EPC2: variants seen among roughly 807,000 people sequenced by gnomAD.
EPC2 encodes enhancer of polycomb 2.
EPC2 carries 14 observed loss-of-function variants against 92.1 expected under a neutral mutation model. The observed-to-expected ratio is 0.15, with a 90% confidence interval of 0.10 to 0.24. EPC2 has a LOEUF of 0.24. Ranked by LOEUF, EPC2 falls within the 10% of genes least tolerant of loss-of-function variation. The probability of loss-of-function intolerance (pLI) is 1.00; values close to 1 mark genes in which losing one functional copy is unlikely to be tolerated. For synonymous variants in EPC2, 340 were observed against 334.7 expected, an observed-to-expected ratio of 1.02 and a Z score of -0.17; for missense variants, 755 against 971.5, an observed-to-expected ratio of 0.78 and a Z score of 2.96.
intron 2 of EPC2, among the ~76,000 whole-genome samples, chr2:148,736,846 T>C (rs975765199): frequency 3.9e-5 from 6 of 152,040 alleles, no homozygotes; most frequent in Admixed American, 2.0e-4. Context: ...ATGCCTGTAG[T>C]TTCAGCAGTT....
At chr2:148,735,292 A>G (rs373270701) in intron 2 of EPC2, among the ~76,000 whole-genome samples, 1 of 152,050 alleles carries the variant, frequency 6.6e-6, no homozygotes, top group East Asian at 1.9e-4. Context: ...TTGTTGTCTC[A>G]TATTTTTATC....
chr2:148,768,514 G>A (rs969642179), intron 7 of EPC2, among the ~76,000 whole-genome samples: 11 of 152,166 alleles, frequency 7.2e-5, no homozygotes, highest in Non-Finnish European at 1.3e-4. Flanking sequence ...TTGCTCTAGC[G>A]TTGCGGGCTT....
chr2:148,709,539 A>T (rs1682085815), intron 2 of EPC2, among the ~76,000 whole-genome samples: 2 of 152,208 alleles, frequency 1.3e-5, no homozygotes, highest in Admixed American at 1.3e-4. Context: ...CATTGCCAAG[A>T]CAATCCTAAG....
chr2:148,784,966 G>A lies in EPC2; in HGVS notation c.2316G>A (p.Lys772=), dbSNP rs764674204. 2.6e-6 allele frequency: 4 copies of A among 1,538,198 alleles called. No individual in the cohort carries two copies. Among genetic ancestry groups the A allele is most frequent in the South Asian group, 2.6e-5 (2 of 77,864 alleles). Residue 772 remains lysine (K), a synonymous_variant, in exon 13 of 14, where the codon AAG becomes AAA. Coordinates refer to ENST00000258484, the MANE Select transcript of EPC2 (RefSeq NM_015630.4). ...TVAASMDRVP[K]VTPSSAISSI... is the part of the protein sequence containing the mutation. ...CTGCCAGTATGGACAGAGTGCCAAAGGTTACTCCCAGCAGTGCCATCAGCA... is the reference window on the plus strand; with the variant it reads ...CTGCCAGTATGGACAGAGTGCCAAAAGTTACTCCCAGCAGTGCCATCAGCA...
At chr2:148,755,237 G>T (rs1428241903) in intron 4 of EPC2, among the ~76,000 whole-genome samples, 3 of 152,004 alleles carry the variant, frequency 2.0e-5, no homozygotes, top group Non-Finnish European at 2.9e-5. Context: ...TGGCATTCTG[G>T]TTCTTAGCTA....
chr2:148,708,249 A>G (rs1156627315), intron 2 of EPC2, among the ~76,000 whole-genome samples: 3 of 152,228 alleles, frequency 2.0e-5, no homozygotes, highest in African/African-American at 7.2e-5. Flanking sequence ...TCTAGAAGAA[A>G]TTGACAAATT....
chr2:148,715,857 A>G (rs1682250703), intron 2 of EPC2, among the ~76,000 whole-genome samples: 1 of 152,214 alleles, frequency 6.6e-6, no homozygotes, highest in Admixed American at 6.5e-5. Flanking sequence ...ACCCATGAAC[A>G]TGGAATGTTT....
At chr2:148,766,649 C>T (rs1263119094) in intron 7 of EPC2, among the ~76,000 whole-genome samples, 1 of 152,088 alleles carries the variant, frequency 6.6e-6, no homozygotes, top group African/African-American at 2.4e-5. Context: ...AGAGGGAACT[C>T]CTAGCAGTTT....
chr2:148,765,972 C>T (rs1683400872), intron 7 of EPC2, among the ~76,000 whole-genome samples: 1 of 152,138 alleles, frequency 6.6e-6, no homozygotes, highest in Non-Finnish European at 1.5e-5. Context: ...GGAGGTGGAG[C>T]TTGCAGTGAG....
At chr2:148,692,732 A>G (rs1036139218) in intron 2 of EPC2, 2 of 152,216 alleles carry the variant, frequency 1.3e-5, no homozygotes, top group African/African-American at 2.4e-5. Context: ...GCAGTTAGGC[A>G]GGAAGACCAT....
intron 2 of EPC2, among the ~76,000 whole-genome samples, chr2:148,737,355 A>T (rs1461451917): frequency 6.6e-6 from 1 of 152,174 alleles, no homozygotes; most frequent in Non-Finnish European, 1.5e-5. Context: ...CTATAAAATT[A>T]AATATATTCA....
intron 2 of EPC2, among the ~76,000 whole-genome samples, chr2:148,737,555 T>C (rs1234615831): frequency 6.6e-6 from 1 of 152,132 alleles, no homozygotes; most frequent in Admixed American, 6.5e-5. Flanking sequence ...TGGAGCTTTG[T>C]ACTTGCCCTC....
intron 1 of EPC2, among the ~76,000 whole-genome samples, chr2:148,668,641 A>G (rs1184520174): frequency 6.6e-6 from 1 of 152,178 alleles, no homozygotes; most frequent in Non-Finnish European, 1.5e-5. Context: ...TTTCTTCCCA[A>G]GTGAGCTTTG....
chr2:148,649,301 A>G (rs1680611140), intron 1 of EPC2, among the ~76,000 whole-genome samples: 1 of 152,226 alleles, frequency 6.6e-6, no homozygotes, highest in African/African-American at 2.4e-5. Flanking sequence ...GATATAGAAC[A>G]TTTCCAACAT....
At chr2:148,779,339 T>G (rs1465859376) in intron 10 of EPC2, among the ~76,000 whole-genome samples, 5 of 152,198 alleles carry the variant, frequency 3.3e-5, no homozygotes, top group Non-Finnish European at 5.9e-5. Flanking sequence ...TCCAGCACTT[T>G]GGGAGACTGA....
intron 4 of EPC2, among the ~76,000 whole-genome samples, chr2:148,760,338 G>T (rs1043056927): frequency 6.6e-6 from 1 of 152,116 alleles, no homozygotes; most frequent in African/African-American, 2.4e-5. Context: ...AACACTTACT[G>T]AACAGGGGAG....
At chr2:148,716,714 A>C (rs538919776) in intron 2 of EPC2, among the ~76,000 whole-genome samples, 3 of 151,994 alleles carry the variant, frequency 2.0e-5, no homozygotes, top group South Asian at 4.2e-4. Context: ...TTTTTGTTTT[A>C]TCTCTGCCAG....
chr2:148,743,795 A>C (rs1188495337), intron 3 of EPC2, 28 bp downstream of exon 3: 3 of 1,476,028 alleles, frequency 2.0e-6, no homozygotes, highest in South Asian at 1.5e-5. Flanking sequence ...GATGTCTCTT[A>C]TCTTCTAGTT....
At chr2:148,666,564 G>A (rs925441589) in intron 1 of EPC2, among the ~76,000 whole-genome samples, 11 of 152,214 alleles carry the variant, frequency 7.2e-5, no homozygotes, top group African/African-American at 2.7e-4. Context: ...AAAATTATTA[G>A]TTTCAGCAGA....
Sources: allele counts gnomAD v4.1 joint callset (sites outside exome capture counted in the v4.1 genomes callset), GRCh38; gene constraint gnomAD v4.1.1; transcripts MANE v1.5; gene names NCBI Gene and HGNC (gene_info 2026-07-23, HGNC 2026-07-21).